Variants in RARS2 observed in about 807,000 individuals in gnomAD.
RARS2 encodes the protein arginyl-tRNA synthetase 2, mitochondrial, also known as probable arginine--tRNA ligase, mitochondrial.
In RARS2, 67 loss-of-function variants were observed where a neutral mutation model predicts 88.5. The ratio of observed to expected loss-of-function variants is 0.76; its 90% confidence interval spans 0.62 to 0.93. The LOEUF (loss-of-function observed/expected upper bound fraction) is 0.93, where lower values mean the gene tolerates loss of function less well. RARS2 is among the 40% of genes least tolerant of loss of function. RARS2 has a pLI of 0.00. For missense variants in RARS2, 664 were observed against 684.2 expected, an observed-to-expected ratio of 0.97 and a Z score of 0.33; for synonymous variants, 239 against 230.3, an observed-to-expected ratio of 1.04 and a Z score of -0.34.
chr6:87,530,773 T>C lies in RARS2; in HGVS notation c.771+11A>G, dbSNP rs548213105. On this transcript the variant is annotated intron_variant, in intron 9 of 19. Transcript: ENST00000369536. Reference sequence around the variant, plus strand: ...CATCATGGGAAAGCAGAAGGGAGGGTCAACCAATACCTTGTAAACCCGAAT... The same window carrying C: ...CATCATGGGAAAGCAGAAGGGAGGGCCAACCAATACCTTGTAAACCCGAAT... The C allele has an allele frequency of 1.2e-6, 2 of 1,613,570 alleles. No individual in the cohort carries two copies. The highest frequency in any genetic ancestry group is 1.7e-5 in the Admixed American group (1 of 59,956).
chr6:87,584,478 T>C (rs1774529330), intron 1 of RARS2, among the ~76,000 whole-genome samples: 1 of 152,164 alleles, frequency 6.6e-6, no homozygotes, highest in African/African-American at 2.4e-5. Flanking sequence ...CCATAAATAG[T>C]AGTTATTATA....
chr6:87,563,712 C>G (rs1788571578), intron 3 of RARS2, among the ~76,000 whole-genome samples: 1 of 152,228 alleles, frequency 6.6e-6, no homozygotes, highest in Non-Finnish European at 1.5e-5. Context: ...CTAACCACCT[C>G]TTCTCTGTAA....
chr6:87,549,055 A>T (rs1343667426), intron 5 of RARS2, among the ~76,000 whole-genome samples: 3 of 152,124 alleles, frequency 2.0e-5, no homozygotes, highest in African/African-American at 7.2e-5. Flanking sequence ...CTACAAAAAA[A>T]ATTTTTTTTA....
At chr6:87,568,461 C>CT (rs1768613547) in intron 2 of RARS2, among the ~76,000 whole-genome samples, 1 of 152,226 alleles carries the variant, frequency 6.6e-6, no homozygotes, top group African/African-American at 2.4e-5. Flanking sequence ...GATCACACCA[C>CT]TGCCCTCCAG....
At chr6:87,559,804 C>T (rs1442535804) in intron 4 of RARS2, among the ~76,000 whole-genome samples, 1 of 152,236 alleles carries the variant, frequency 6.6e-6, no homozygotes, top group East Asian at 1.9e-4. Flanking sequence ...ATGCACTCAC[C>T]ACTCACTCAC....
intron 1 of RARS2, among the ~76,000 whole-genome samples, chr6:87,581,501 C>G (rs776829710): frequency 4.6e-4 from 70 of 152,010 alleles, no homozygotes; most frequent in Non-Finnish European, 9.3e-4. Context: ...AAGACACAAA[C>G]AAGAAGCAAA....
chr6:87,555,430 T>C lies in RARS2; in HGVS notation c.373A>G (p.Lys125Glu). 1 of 1,613,962 alleles carries C rather than the reference T, an allele frequency of 6.2e-7. No homozygotes were observed. Among genetic ancestry groups the C allele is most frequent in the Non-Finnish European group, 8.5e-7 (1 of 1,179,872 alleles). Residue 125 changes from lysine to glutamate, a missense_variant, in exon 5 of 20, where the codon AAG becomes GAG. Coordinates refer to ENST00000369536, the MANE Select transcript of RARS2 (RefSeq NM_020320.5). ...CACCTGAATTCAACCACAATCTTCTTCTGGGGAAGTCCAGAGAAAAGTTCA... is the reference window on the plus strand; with the variant it reads ...CACCTGAATTCAACCACAATCTTCTCCTGGGGAAGTCCAGAGAAAAGTTCA... Reference protein sequence around the residue: ...KSELFSGLPQKKIVVEFSSPN... With the variant: ...KSELFSGLPQEKIVVEFSSPN...
Position 87,564,251 on chromosome 6 carries a change from A to C in RARS2, c.111-19T>G, listed in dbSNP as rs6900057. On this transcript the variant is annotated intron_variant, in intron 2 of 19. Coordinates refer to ENST00000369536, the MANE Select transcript of RARS2 (RefSeq NM_020320.5). ...TACTTCTCTAAAGACAGACATCGAA[A>C]CGAGATAGAACTGTTACCTTAAAAG... 74,627 of 1,532,826 alleles carry C rather than the reference A, an allele frequency of 0.049. 2,386 individuals carry two copies. The highest frequency in any genetic ancestry group is 0.15 in the African/African-American group (10,770 of 73,248). The allele number at this position is 1,532,826 out of a possible 1,614,324, so 95.0% of individuals were successfully genotyped here.
chr6:87,545,820 A>C (rs1340181474), intron 6 of RARS2, 121 bp from the exon 7 acceptor site: 1 of 1,177,332 alleles, frequency 8.5e-7, no homozygotes, highest in Non-Finnish European at 1.2e-6. Flanking sequence ...TTACCAACTC[A>C]ATGTTTTTTA....
chr6:87,569,511 C>G lies in RARS2; in HGVS notation c.110+6G>C. On this transcript the variant is annotated splice_donor_region_variant and intron_variant, in intron 2 of 19. Transcript: ENST00000369536. The stretch of plus-strand genomic sequence containing the variant: ...TATAGATTGTTACAAGTGTATTATA[C>G]TTAACTCTTTTTGGGAAATTGGAAC... 1 of 1,577,614 alleles carries G rather than the reference C, an allele frequency of 6.3e-7. No homozygotes were observed. Among genetic ancestry groups the G allele is most frequent in the Non-Finnish European group, 8.7e-7 (1 of 1,147,246 alleles).
intron 8 of RARS2, among the ~76,000 whole-genome samples, chr6:87,533,385 T>C (rs1562110664): frequency 6.6e-6 from 1 of 152,210 alleles, no homozygotes; most frequent in Non-Finnish European, 1.5e-5. Flanking sequence ...TAATAAGCAC[T>C]TCCCAATATA....
intron 9 of RARS2, 68 bp downstream of exon 9, chr6:87,530,716 T>G (rs900831413): frequency 1.3e-6 from 2 of 1,552,388 alleles, no homozygotes; most frequent in African/African-American, 2.7e-5. Flanking sequence ...CACGCAACTT[T>G]ACTATGCAGG....
intron 8 of RARS2, among the ~76,000 whole-genome samples, chr6:87,535,922 C>G (rs1779017506): frequency 6.6e-6 from 1 of 151,862 alleles, no homozygotes; most frequent in African/African-American, 2.4e-5. Flanking sequence ...TGAGCTCAGG[C>G]AATCCACCTG....
intron 4 of RARS2, among the ~76,000 whole-genome samples, chr6:87,560,755 T>C (rs1317839471): frequency 1.3e-5 from 2 of 152,144 alleles, no homozygotes; most frequent in Non-Finnish European, 2.9e-5. Flanking sequence ...GGCGCGGTGG[T>C]GCATGCCTGT....
chr6:87,539,046 A>AAATGAATAAATG (rs1780084633), intron 8 of RARS2, among the ~76,000 whole-genome samples: 1 of 138,896 alleles, frequency 7.2e-6, no homozygotes, highest in African/African-American at 2.9e-5. Context: ...ATAAATAAAT[A>AAATGAATAAATG]AATAAATAAA....
chr6:87,515,755 A>T (rs868838681), intron 18 of RARS2: 4 of 152,116 alleles, frequency 2.6e-5, no homozygotes, highest in Non-Finnish European at 5.9e-5. Flanking sequence ...CGGAGAAATG[A>T]TACTTAAGAC....
At chr6:87,540,103 G>A (rs959605404) in intron 8 of RARS2, among the ~76,000 whole-genome samples, 12 of 152,064 alleles carry the variant, frequency 7.9e-5, no homozygotes, top group Non-Finnish European at 1.5e-4. Context: ...CATTTAGAGT[G>A]CAGTGTTGGC....
At chr6:87,531,350 C>T (rs1777465740) in intron 8 of RARS2, among the ~76,000 whole-genome samples, 1 of 152,134 alleles carries the variant, frequency 6.6e-6, no homozygotes, top group Non-Finnish European at 1.5e-5. Context: ...GGCATTTCTT[C>T]TGTTATTTTT....
intron 8 of RARS2, among the ~76,000 whole-genome samples, chr6:87,531,989 C>T (rs74380002): frequency 0.01 from 1,524 of 152,116 alleles, 24 homozygotes; most frequent in African/African-American, 0.035. Flanking sequence ...TAAACCCTTA[C>T]AATGTTATTA....
Sources: gnomAD v4.1 joint callset for allele counts (sites outside exome capture counted in the v4.1 genomes callset) on GRCh38, gnomAD v4.1.1 for gene constraint, MANE v1.5 for transcripts, NCBI Gene and HGNC (gene_info 2026-07-23, HGNC 2026-07-21) for gene names.